The following NBEA variants were observed in gnomAD, a reference collection of about 807,000 sequenced individuals.
NBEA encodes the protein neurobeachin.
In NBEA, 44 loss-of-function variants were observed where a neutral mutation model predicts 343.4. That is an observed-to-expected ratio of 0.13 (90% confidence interval 0.10 to 0.16). The LOEUF is 0.16. NBEA is among the 10% of genes least tolerant of loss of function. The pLI, the probability that NBEA is intolerant of heterozygous loss-of-function variation, is 1.00. For synonymous variants in NBEA, 1,175 were observed against 1,238.7 expected, an observed-to-expected ratio of 0.95 and a Z score of 1.08; for missense variants, 2,555 against 3,631.3, an observed-to-expected ratio of 0.70 and a Z score of 7.62.
At chr13:35,295,390 T>G (rs2036058267) in intron 35 of NBEA, among the ~76,000 whole-genome samples, 1 of 151,948 alleles carries the variant, frequency 6.6e-6, no homozygotes, top group Non-Finnish European at 1.5e-5. Context: ...ATCCCTGCCT[T>G]TTTCTCTAGA....
intron 41 of NBEA, among the ~76,000 whole-genome samples, chr13:35,510,412 G>A (rs2077233417): frequency 6.6e-6 from 1 of 152,096 alleles, no homozygotes. Flanking sequence ...TTTATATTTT[G>A]ACTTAATTTT....
Position 35,113,627 on chromosome 13 carries a change from A to ATCTATCTGTCTG in NBEA, c.2002+2652_2002+2653insATCTGTCTGTCT, listed in dbSNP as rs138177740. Among the ~76,000 whole-genome samples, 429 of 150,702 alleles carry ATCTATCTGTCTG rather than the reference A, an allele frequency of 2.8e-3. 3 individuals carry two copies. The highest frequency in any genetic ancestry group is 9.8e-3 in the African/African-American group (403 of 41,122). ...TATCTATCTATCTATCTATCTATCT[A>ATCTATCTGTCTG]TCTGTCTGTCTATCATCTTTTATAT... is the stretch of plus-strand genomic sequence containing the variant. On this transcript the variant is annotated intron_variant, in intron 13 of 58. Coordinates refer to ENST00000379939, the MANE Select transcript of NBEA (RefSeq NM_001385012.1).
At chr13:35,380,092 G>A (rs1594416394) in intron 38 of NBEA, among the ~76,000 whole-genome samples, 2 of 152,114 alleles carry the variant, frequency 1.3e-5, no homozygotes, top group African/African-American at 2.4e-5. Flanking sequence ...TATGCAAATG[G>A]CATCATTTAT....
chr13:35,127,507 C>A (rs1288228156), intron 17 of NBEA, among the ~76,000 whole-genome samples: 1 of 152,032 alleles, frequency 6.6e-6, no homozygotes, highest in African/African-American at 2.4e-5. Context: ...GTACAAATGA[C>A]ACAACCGTAA....
intron 10 of NBEA, among the ~76,000 whole-genome samples, chr13:35,090,696 G>A (rs533033055): frequency 1.3e-5 from 2 of 151,952 alleles, no homozygotes; most frequent in South Asian, 4.2e-4. Context: ...ATCTTAGTTT[G>A]GAGCTTCATT....
At chr13:35,390,896 C>CA (rs1166514053) in intron 38 of NBEA, among the ~76,000 whole-genome samples, 2 of 151,870 alleles carry the variant, frequency 1.3e-5, no homozygotes, top group Non-Finnish European at 2.9e-5. Context: ...TGCTGCTATA[C>CA]AAAAATGCCT....
intron 36 of NBEA, among the ~76,000 whole-genome samples, chr13:35,347,287 A>G (rs1015379991): frequency 1.2e-4 from 19 of 152,084 alleles, no homozygotes; most frequent in African/African-American, 4.3e-4. Flanking sequence ...TTTCCATCTG[A>G]TTTATATTTA....
chr13:35,608,178 A>G (rs762311941), intron 48 of NBEA, among the ~76,000 whole-genome samples: 26 of 152,006 alleles, frequency 1.7e-4, no homozygotes, highest in Non-Finnish European at 3.2e-4. Flanking sequence ...ATAATCTGCA[A>G]TGTGTTCTCC....
intron 1 of NBEA, among the ~76,000 whole-genome samples, chr13:34,966,910 A>C (rs1026164280): frequency 6.6e-6 from 1 of 151,638 alleles, no homozygotes; most frequent in Non-Finnish European, 1.5e-5. Context: ...CTTGTGCCAG[A>C]ATGCAAATCA....
chr13:35,525,486 G>A (rs2077925489), intron 41 of NBEA, among the ~76,000 whole-genome samples: 1 of 152,156 alleles, frequency 6.6e-6, no homozygotes, highest in Non-Finnish European at 1.5e-5. Flanking sequence ...CCAGAAGGCA[G>A]AGGTTGCAGG....
chr13:35,004,577 A>G (rs1210849604), intron 1 of NBEA, among the ~76,000 whole-genome samples: 1 of 152,194 alleles, frequency 6.6e-6, no homozygotes, highest in Admixed American at 6.5e-5. Context: ...TGAGGCTCTA[A>G]TATCCCATTT....
intron 38 of NBEA, among the ~76,000 whole-genome samples, chr13:35,423,482 G>T (rs776608226): frequency 2.6e-4 from 40 of 152,158 alleles, no homozygotes; most frequent in Non-Finnish European, 4.7e-4. Context: ...TTATTTCTGA[G>T]GGCTCTGTTC....
chr13:35,525,288 A>G (rs2077914110), intron 41 of NBEA, among the ~76,000 whole-genome samples: 2 of 152,238 alleles, frequency 1.3e-5, no homozygotes, highest in South Asian at 4.1e-4. Flanking sequence ...GCGGTGGCTC[A>G]CGCCTGTAAT....
rs892538828 is a variant in NBEA, at chr13:35,372,165, G to T, written c.6179+19842G>T. Among the ~76,000 whole-genome samples, 5 of 152,172 alleles carry T rather than the reference G, an allele frequency of 3.3e-5. No individual in the cohort carries two copies. In the East Asian group the frequency reaches 9.7e-4, roughly 29 times the overall value. ...TAGATGGGCAGATTGGCTGGTCTTT[G>T]GTTCCCTGGGCAGTGGGCGTGGTAT... On this transcript the variant is annotated intron_variant, in intron 38 of 58. Transcript: ENST00000379939.
At chr13:35,345,272 A>G (rs943016700) in intron 36 of NBEA, among the ~76,000 whole-genome samples, 6 of 152,100 alleles carry the variant, frequency 3.9e-5, no homozygotes, top group African/African-American at 1.2e-4. Flanking sequence ...TTAAAAAACA[A>G]TATCTACAGA....
rs759562315 is a variant in NBEA at position 35,118,419 on chromosome 13, A to G, written c.2188A>G (p.Met730Val). The change falls in exon 16 of 59, where the codon ATG (methionine) becomes GTG (valine). Residue 730 changes from methionine to valine, a missense_variant. Coordinates refer to ENST00000379939, the MANE Select transcript of NBEA (RefSeq NM_001385012.1). ...TGTGCTACAGTTACTGGTGGCTTTA[A>G]TGTCGGAACACCCAGCCTCAATGAT... ...HDVLQLLVAL[M>V]SEHPASMIPA... The G allele has an allele frequency of 6.2e-7, 1 of 1,607,624 alleles. No homozygotes were observed. The highest frequency in any genetic ancestry group is 1.1e-5 in the South Asian group (1 of 90,032).
intron 1 of NBEA, among the ~76,000 whole-genome samples, chr13:34,948,368 T>C (rs1470781613): frequency 6.6e-6 from 1 of 152,106 alleles, no homozygotes. Context: ...CTGGAAGGCT[T>C]TCTGATGGGG....
At chr13:35,090,089 T>TAAATAAATAAAA (rs1233605509) in intron 10 of NBEA, among the ~76,000 whole-genome samples, 15 of 151,214 alleles carry the variant, frequency 9.9e-5, no homozygotes, top group Admixed American at 3.3e-4. Flanking sequence ...AATAAATAAA[T>TAAATAAATAAAA]AAAAATCTGG....
intron 38 of NBEA, among the ~76,000 whole-genome samples, chr13:35,360,784 A>G (rs1286454829): frequency 1.3e-5 from 2 of 152,020 alleles, no homozygotes; most frequent in African/African-American, 4.8e-5. Flanking sequence ...AGATGAACAA[A>G]ATTTTATAAT....
Sources: gnomAD v4.1 joint callset for allele counts (sites outside exome capture counted in the v4.1 genomes callset) on GRCh38, gnomAD v4.1.1 for gene constraint, MANE v1.5 for transcripts, NCBI Gene and HGNC (gene_info 2026-07-23, HGNC 2026-07-21) for gene names.